Variants in MAPKAP1 observed in about 807,000 individuals in gnomAD.
The protein encoded by MAPKAP1 is MAPK associated protein 1.
Under a neutral mutation model 65.7 loss-of-function variants are expected in MAPKAP1, and 20 were observed. The observed-to-expected ratio is 0.30, with a 90% CI of 0.21 to 0.44. The LOEUF (loss-of-function observed/expected upper bound fraction) is 0.44, where lower values mean the gene tolerates loss of function less well. Ranked by LOEUF, MAPKAP1 falls within the 20% of genes least tolerant of loss-of-function variation. The pLI is 1.00. For synonymous variants in MAPKAP1, 222 were observed against 244.3 expected (o/e 0.91, Z 0.85); for missense variants, 423 against 648.0 (o/e 0.65, Z 3.77).
intron 7 of MAPKAP1, among the ~76,000 whole-genome samples, chr9:125,507,447 G>A (rs1395771703): frequency 1.3e-5 from 2 of 152,190 alleles, no homozygotes; most frequent in Non-Finnish European, 2.9e-5. Flanking sequence ...GGCGGAACAC[G>A]TATTTTTAGA....
chr9:125,536,796 T>C (rs949921591), intron 7 of MAPKAP1, among the ~76,000 whole-genome samples: 1 of 152,206 alleles, frequency 6.6e-6, no homozygotes, highest in African/African-American at 2.4e-5. Flanking sequence ...TCAGAGGGCA[T>C]TTCAGGCTAG....
At chr9:125,522,791 T>C (rs1210429627) in intron 7 of MAPKAP1, among the ~76,000 whole-genome samples, 1 of 152,168 alleles carries the variant, frequency 6.6e-6, no homozygotes, top group Non-Finnish European at 1.5e-5. Context: ...TCTCAAGGCT[T>C]TCTATCCATC....
intron 10 of MAPKAP1, among the ~76,000 whole-genome samples, chr9:125,459,140 T>G (rs1307991363): frequency 8.1e-6 from 1 of 124,166 alleles, no homozygotes. Context: ...CCAGACGGGG[T>G]CGCGGCCGGG....
At chr9:125,465,099 C>T (rs766818351) in intron 10 of MAPKAP1, among the ~76,000 whole-genome samples, 4 of 152,178 alleles carry the variant, frequency 2.6e-5, no homozygotes, top group Non-Finnish European at 4.4e-5. Context: ...GTTGGTCACA[C>T]GTTCCGGTCT....
At chr9:125,529,646 C>T (rs1829878996) in intron 7 of MAPKAP1, among the ~76,000 whole-genome samples, 1 of 152,176 alleles carries the variant, frequency 6.6e-6, no homozygotes. Context: ...GTATCTTTTG[C>T]AGCACTTGGG....
At position 125,694,803 on chromosome 9, in the gene MAPKAP1, A is replaced by G. The variant is rs192449103; in HGVS notation, c.-70+12168T>C. Among the ~76,000 whole-genome samples the G allele has an allele frequency of 2.2e-4, 34 of 152,348 alleles. No homozygotes were observed. In the East Asian group the frequency reaches 5.6e-3, roughly 25 times the overall value. On this transcript the variant is annotated intron_variant, in intron 1 of 11. Coordinates refer to ENST00000265960, the MANE Select transcript of MAPKAP1 (RefSeq NM_001006617.3). The stretch of plus-strand genomic sequence containing the variant: ...ATAAGCCCTGATGCATGACTATCTA[A>G]GGAAGTCTAAACTGAAGACTCAATA...
chr9:125,525,866 C>G (rs971537653), intron 7 of MAPKAP1, among the ~76,000 whole-genome samples: 7 of 152,114 alleles, frequency 4.6e-5, no homozygotes, highest in African/African-American at 1.7e-4. Context: ...GCAAGGAACT[C>G]AAAGACAGAG....
intron 8 of MAPKAP1, among the ~76,000 whole-genome samples, chr9:125,491,727 G>C (rs1376611856): frequency 6.6e-6 from 1 of 151,792 alleles, no homozygotes; most frequent in East Asian, 1.9e-4. Context: ...GTTGCAGTGA[G>C]CTGTGATTGT....
intron 5 of MAPKAP1, among the ~76,000 whole-genome samples, chr9:125,584,695 G>T (rs1831727760): frequency 1.3e-5 from 2 of 152,142 alleles, no homozygotes; most frequent in Non-Finnish European, 2.9e-5. Flanking sequence ...CCAACGTGCT[G>T]GGATTACAGG....
At chr9:125,695,822 G>A (rs1318045604) in intron 1 of MAPKAP1, among the ~76,000 whole-genome samples, 1 of 151,536 alleles carries the variant, frequency 6.6e-6, no homozygotes, top group African/African-American at 2.4e-5. Context: ...TCCACCTCCC[G>A]GGTTCAATTG....
At position 125,584,044 on chromosome 9, in the gene MAPKAP1, C is replaced by A. The variant is rs928833716; in HGVS notation, c.671+1511G>T. On this transcript the variant is annotated intron_variant, in intron 5 of 11. Transcript: ENST00000265960. ...CGCCACTGCACTCCAGCCTGGGCGA[C>A]AGAGCAAGACTCCGTCTCCAAAAAA... is the stretch of plus-strand genomic sequence containing the variant. Among the ~76,000 whole-genome samples, 6 of 149,676 alleles carry A rather than the reference C, an allele frequency of 4.0e-5. No homozygotes were observed. The Admixed American group carries it at 4.0e-4, about 10-fold the overall frequency.
chr9:125,671,822 C>T lies in MAPKAP1; in HGVS notation c.259+494G>A, dbSNP rs1834505690. Among the ~76,000 whole-genome samples the T allele has an allele frequency of 2.0e-5, 3 of 152,146 alleles. No homozygotes were observed. The South Asian group carries it at 6.2e-4, about 32-fold the overall frequency. On this transcript the variant is annotated intron_variant, in intron 2 of 11. Transcript: ENST00000265960. ...CTCACACCCTATGTATAGAATCCTA[C>T]TAAAACCAGCCCTAACAAATACTCA...
chr9:125,494,849 C>T (rs1854881781), intron 8 of MAPKAP1, among the ~76,000 whole-genome samples: 2 of 152,184 alleles, frequency 1.3e-5, no homozygotes, highest in South Asian at 4.1e-4. Context: ...CTCTTTTCTA[C>T]CCTTCACAGC....
rs201796361 is a variant in MAPKAP1 at position 125,641,924 on chromosome 9, CG to C, written c.498+15726del. Among the ~76,000 whole-genome samples the C allele has an allele frequency of 4.1e-3, 622 of 152,186 alleles. 6 individuals carry two copies. Among genetic ancestry groups the C allele is most frequent in the African/African-American group, 0.014 (587 of 41,530 alleles). On this transcript the variant is annotated intron_variant, in intron 4 of 11. Coordinates refer to ENST00000265960, the MANE Select transcript of MAPKAP1 (RefSeq NM_001006617.3). ...GCGCATGCCTGTAATCCAAGCTACT[CG>C]GGAGGCTGAGAGAAGATAATTACTT...
chr9:125,545,074 T>C (rs1307177974), intron 6 of MAPKAP1, among the ~76,000 whole-genome samples: 1 of 152,236 alleles, frequency 6.6e-6, no homozygotes, highest in African/African-American at 2.4e-5. Context: ...AAGTTCTTGC[T>C]ATTGAACAGC....
At chr9:125,607,941 T>A (rs1832487690) in intron 4 of MAPKAP1, among the ~76,000 whole-genome samples, 1 of 152,196 alleles carries the variant, frequency 6.6e-6, no homozygotes, top group South Asian at 2.1e-4. Flanking sequence ...AATAAGACTG[T>A]ATGGGGGCAA....
At chr9:125,677,864 T>C (rs1047605036) in intron 1 of MAPKAP1, among the ~76,000 whole-genome samples, 10 of 152,082 alleles carry the variant, frequency 6.6e-5, no homozygotes, top group Non-Finnish European at 1.2e-4. Flanking sequence ...ATGGAAGCAA[T>C]AGGGATATCC....
chr9:125,540,092 A>G (rs908451393), intron 7 of MAPKAP1, among the ~76,000 whole-genome samples: 6 of 152,234 alleles, frequency 3.9e-5, no homozygotes, highest in Admixed American at 2.6e-4. Context: ...TCTGTAAATG[A>G]CAGTCTATCC....
At chr9:125,591,388 G>A (rs1320063645) in intron 4 of MAPKAP1, among the ~76,000 whole-genome samples, 1 of 152,190 alleles carries the variant, frequency 6.6e-6, no homozygotes, top group African/African-American at 2.4e-5. Flanking sequence ...TCAGTTGACT[G>A]AAGGGCAGTC....
Sources: allele counts gnomAD v4.1 joint callset (sites outside exome capture counted in the v4.1 genomes callset), GRCh38; gene constraint gnomAD v4.1.1; transcripts MANE v1.5; gene names NCBI Gene and HGNC (gene_info 2026-07-23, HGNC 2026-07-21).